Variants in COL5A2 observed in about 807,000 individuals in gnomAD.
The protein encoded by COL5A2 is collagen type V alpha 2 chain, also known as collagen alpha-2(V) chain.
In COL5A2, 23 loss-of-function variants were observed where a neutral mutation model predicts 208.2. The observed-to-expected ratio is 0.11, with a 90% CI of 0.08 to 0.16. The LOEUF (loss-of-function observed/expected upper bound fraction) is 0.16, where lower values mean the gene tolerates loss of function less well. Ranked by LOEUF, COL5A2 falls within the 10% of genes least tolerant of loss-of-function variation. The pLI, the probability that COL5A2 is intolerant of heterozygous loss-of-function variation, is 1.00. For synonymous variants in COL5A2, 625 were observed against 628.5 expected, an observed-to-expected ratio of 0.99 and a Z score of 0.08; for missense variants, 1,590 against 1,956.4, an observed-to-expected ratio of 0.81 and a Z score of 3.53.
At chr2:189,247,533 C>T in the COL5A2 span, among the ~76,000 whole-genome samples, 2 of 150,940 alleles carry the variant, frequency 1.3e-5, no homozygotes, top group South Asian at 4.2e-4. Flanking sequence ...CACTGAGGAA[C>T]AGATTACATG....
At chr2:189,040,660 T>A (rs1685541852) in intron 50 of COL5A2, among the ~76,000 whole-genome samples, 1 of 152,052 alleles carries the variant, frequency 6.6e-6, no homozygotes, top group Non-Finnish European at 1.5e-5. Context: ...GTTACATAAT[T>A]TTTTTTTCTT....
rs1467802713 is a variant in COL5A2, at chr2:189,110,173, C to CTA, written c.322+50_322+51dup. On this transcript the variant is annotated intron_variant, in intron 2 of 53. Coordinates refer to ENST00000374866, the MANE Select transcript of COL5A2 (RefSeq NM_000393.5). Reference sequence around the variant, plus strand: ...ATGCTGAAAGTGAAAAACACTGCAACTATAAAGGTGAGTAACTGGATCAAT... The same window carrying CTA: ...ATGCTGAAAGTGAAAAACACTGCAACTATATAAAGGTGAGTAACTGGATCAAT... 3 of 1,301,854 alleles carry CTA rather than the reference C, an allele frequency of 2.3e-6. No individual in the cohort carries two copies. In the African/African-American group the frequency reaches 4.4e-5, roughly 19 times the overall value. 80.6% of individuals were successfully genotyped at this position (1,301,854 alleles called of 1,614,324 possible). A position where few individuals can be genotyped will look rare whatever the true frequency, so the allele number is the denominator to read the frequency against.
chr2:189,428,056 T>G, the COL5A2 span, among the ~76,000 whole-genome samples: 1 of 152,200 alleles, frequency 6.6e-6, no homozygotes, highest in Non-Finnish European at 1.5e-5. Context: ...CTGTGGACTT[T>G]CGAGTTAATG....
the COL5A2 span, among the ~76,000 whole-genome samples, chr2:189,424,298 C>T: frequency 6.6e-6 from 1 of 152,102 alleles, no homozygotes; most frequent in African/African-American, 2.4e-5. Context: ...ATTTTCACCA[C>T]TTTTATTCAA....
chr2:189,397,946 AG>A, the COL5A2 span, among the ~76,000 whole-genome samples: 1 of 152,088 alleles, frequency 6.6e-6, no homozygotes, highest in Non-Finnish European at 1.5e-5. Context: ...ATCTCTAAAC[AG>A]GGCTTTATAT....
At chr2:189,174,588 C>T (rs1688641937) in intron 1 of COL5A2, among the ~76,000 whole-genome samples, 1 of 152,180 alleles carries the variant, frequency 6.6e-6, no homozygotes, top group South Asian at 2.1e-4. Flanking sequence ...CAATGTAAAT[C>T]AGAGTCAACT....
At chr2:189,148,997 T>G (rs753547878) in intron 1 of COL5A2, among the ~76,000 whole-genome samples, 1 of 151,972 alleles carries the variant, frequency 6.6e-6, no homozygotes, top group Non-Finnish European at 1.5e-5. Context: ...AAAAATTAAT[T>G]GGGCGTGGTG....
the COL5A2 span, among the ~76,000 whole-genome samples, chr2:189,401,658 TTAAC>T: frequency 6.6e-6 from 1 of 152,232 alleles, no homozygotes; most frequent in Non-Finnish European, 1.5e-5. Context: ...CCACAATGGT[TTAAC>T]TAATTTACAC....
intron 1 of COL5A2, among the ~76,000 whole-genome samples, chr2:189,186,485 G>A (rs570310648): frequency 9.2e-5 from 14 of 152,200 alleles, no homozygotes; most frequent in African/African-American, 3.4e-4. Flanking sequence ...AAATCAACAC[G>A]GTGGGGTAAG....
At chr2:189,291,351 C>T in the COL5A2 span, among the ~76,000 whole-genome samples, 1 of 152,044 alleles carries the variant, frequency 6.6e-6, no homozygotes, top group Non-Finnish European at 1.5e-5. Context: ...TTAACTATAT[C>T]CTGGCAAGAA....
At position 189,132,804 on chromosome 2, in the gene COL5A2, C is replaced by T. The variant is rs369153176; in HGVS notation, c.98-22355G>A. Among the ~76,000 whole-genome samples the T allele has an allele frequency of 1.3e-4, 19 of 151,916 alleles. No homozygotes were observed. The East Asian group carries it at 3.7e-3, about 30-fold the overall frequency. ...GGTGTGGTAGTGCACACCTGTTGTC[C>T]CAGCTACTCGGGAGGCTGAGGCAGG... is the stretch of plus-strand genomic sequence containing the variant. On this transcript the variant is annotated intron_variant, in intron 1 of 53. Coordinates refer to ENST00000374866, the MANE Select transcript of COL5A2 (RefSeq NM_000393.5).
At position 189,104,298 on chromosome 2, in the gene COL5A2, A is replaced by T. The variant is rs751729246; in HGVS notation, c.323-21T>A. 2.7e-6 allele frequency: 4 copies of T among 1,458,330 alleles called. No homozygotes were observed. In the Admixed American group the frequency reaches 6.7e-5, roughly 25 times the overall value. The allele number at this position is 1,458,330 out of a possible 1,614,324, so 90.3% of individuals were successfully genotyped here. A position where few individuals can be genotyped will look rare whatever the true frequency, so the allele number is the denominator to read the frequency against. On this transcript the variant is annotated intron_variant, in intron 2 of 53. Transcript: ENST00000374866. ...TCTACCTGTAAAAAGAAAAGAGTAA[A>T]TGTGTTATTTTATGAGGAAACAATT...
Position 189,179,665 on chromosome 2 carries a change from AGCACCATG to A in COL5A2, c.-69_-62del. 6.4e-7 allele frequency: 1 copy of A among 1,553,716 alleles called. No individual in the cohort carries two copies. The highest frequency in any genetic ancestry group is 1.2e-5 in the South Asian group (1 of 85,076). ...GAAAAGTAGATTCTGAGGTTATTGTAGCACCATGAAGTCAGCTGTGGGCTCTTCTTTCA... is the reference window on the plus strand; with the variant it reads ...GAAAAGTAGATTCTGAGGTTATTGTAAAGTCAGCTGTGGGCTCTTCTTTCA... On this transcript the variant is annotated 5_prime_UTR_variant, in exon 1 of 54. It removes an upstream start codon present in the reference 5' UTR. Coordinates refer to ENST00000374866, the MANE Select transcript of COL5A2 (RefSeq NM_000393.5).
the COL5A2 span, among the ~76,000 whole-genome samples, chr2:189,350,090 A>C: frequency 6.6e-6 from 1 of 152,212 alleles, no homozygotes; most frequent in African/African-American, 2.4e-5. Flanking sequence ...AGTCACCAAG[A>C]ATATATTTAT....
the COL5A2 span, among the ~76,000 whole-genome samples, chr2:189,291,184 G>T: frequency 3.5e-3 from 532 of 152,100 alleles, 3 homozygotes; most frequent in African/African-American, 0.012. Context: ...TAAACATTTT[G>T]ATTTTATGCA....
intron 51 of COL5A2, among the ~76,000 whole-genome samples, chr2:189,037,990 G>A (rs763603482): frequency 3.3e-5 from 5 of 151,938 alleles, no homozygotes; most frequent in Non-Finnish European, 5.9e-5. Context: ...TCATGAAACT[G>A]GATTATTAAT....
chr2:189,359,154 G>C, the COL5A2 span, among the ~76,000 whole-genome samples: 1 of 152,024 alleles, frequency 6.6e-6, no homozygotes, highest in East Asian at 1.9e-4. Flanking sequence ...TCCTGATCTT[G>C]GAGAAAAAGC....
intron 1 of COL5A2, among the ~76,000 whole-genome samples, chr2:189,149,721 T>C (rs1688108884): frequency 6.6e-6 from 1 of 152,196 alleles, no homozygotes; most frequent in African/African-American, 2.4e-5. Context: ...AGATCTAAAT[T>C]CCACATTTGC....
intron 6 of COL5A2, chr2:189,095,850 T>C (rs1686899680): frequency 6.6e-6 from 1 of 151,974 alleles, no homozygotes. Flanking sequence ...AGGAGAGACA[T>C]CTGGAGACCT....
Sources: gnomAD v4.1 joint callset for allele counts (sites outside exome capture counted in the v4.1 genomes callset) on GRCh38, gnomAD v4.1.1 for gene constraint, MANE v1.5 for transcripts, NCBI Gene and HGNC (gene_info 2026-07-23, HGNC 2026-07-21) for gene names.